Variants in DPP10 observed in about 807,000 individuals in gnomAD.
The protein encoded by DPP10 is inactive dipeptidyl peptidase 10.
In DPP10, 33 loss-of-function variants were observed where a neutral mutation model predicts 120.9. That is an observed-to-expected ratio of 0.27 (90% CI 0.21 to 0.37). The LOEUF (loss-of-function observed/expected upper bound fraction) is 0.37, where lower values mean the gene tolerates loss of function less well. Ranked by LOEUF, DPP10 falls within the 10% of genes least tolerant of loss-of-function variation. DPP10 has a pLI of 1.00. For synonymous variants in DPP10, 337 were observed against 326.1 expected (o/e 1.03, Z -0.36); for missense variants, 816 against 942.8 (o/e 0.87, Z 1.76).
intron 1 of DPP10, among the ~76,000 whole-genome samples, chr2:115,303,525 C>G (rs949697861): frequency 1.3e-5 from 2 of 151,694 alleles, no homozygotes; most frequent in Admixed American, 1.3e-4. Context: ...TTACATAATC[C>G]CAGCATATCC....
intron 5 of DPP10, among the ~76,000 whole-genome samples, chr2:115,551,025 T>C (rs2079839194): frequency 6.6e-6 from 1 of 152,146 alleles, no homozygotes; most frequent in Admixed American, 6.6e-5. Context: ...TTTTTTTCTC[T>C]TGAAAAATTG....
intron 1 of DPP10, among the ~76,000 whole-genome samples, chr2:114,748,249 T>C (rs1051406223): frequency 6.6e-6 from 1 of 151,502 alleles, no homozygotes; most frequent in African/African-American, 2.4e-5. Flanking sequence ...GAGCAGAAAC[T>C]GCTTGCAGGC....
intron 5 of DPP10, among the ~76,000 whole-genome samples, chr2:115,542,999 TG>T (rs1257844176): frequency 6.6e-6 from 1 of 152,020 alleles, no homozygotes; most frequent in East Asian, 1.9e-4. Context: ...GTGTCAGTGT[TG>T]TCAAACCTTT....
chr2:115,079,437 A>G (rs1297408015), intron 1 of DPP10, among the ~76,000 whole-genome samples: 2 of 152,184 alleles, frequency 1.3e-5, no homozygotes, highest in Non-Finnish European at 2.9e-5. Flanking sequence ...CAGACAAACT[A>G]GGACACAGTG....
chr2:115,408,285 C>T (rs971726241), intron 3 of DPP10, among the ~76,000 whole-genome samples: 5 of 152,110 alleles, frequency 3.3e-5, no homozygotes, highest in African/African-American at 4.8e-5. Flanking sequence ...TACAGACTTC[C>T]TGAGGCTCCA....
intron 1 of DPP10, among the ~76,000 whole-genome samples, chr2:114,647,952 C>T (rs1696265759): frequency 6.6e-6 from 1 of 152,018 alleles, no homozygotes; most frequent in Non-Finnish European, 1.5e-5. Flanking sequence ...TTCTGCATGT[C>T]CTTGGACTAT....
At chr2:114,447,855 T>G (rs1367177) in intron 1 of DPP10, among the ~76,000 whole-genome samples, 103,724 of 152,090 alleles carry the variant, frequency 0.68, 35,775 homozygotes, top group Middle Eastern at 0.8. Context: ...TAAGGATATT[T>G]TATGTGTGTG....
intron 1 of DPP10, among the ~76,000 whole-genome samples, chr2:114,751,942 C>T (rs936874827): frequency 2.0e-5 from 3 of 152,236 alleles, no homozygotes; most frequent in African/African-American, 7.2e-5. Flanking sequence ...GTAGATCTGG[C>T]ATGGGGCCTA....
At chr2:114,620,812 G>A (rs556815862) in intron 1 of DPP10, among the ~76,000 whole-genome samples, 67 of 152,024 alleles carry the variant, frequency 4.4e-4, no homozygotes, top group South Asian at 2.9e-3. Flanking sequence ...CAAAAATGCC[G>A]CATCTTGGTA....
intron 1 of DPP10, among the ~76,000 whole-genome samples, chr2:115,228,757 A>G (rs1361597724): frequency 6.6e-6 from 1 of 152,022 alleles, no homozygotes; most frequent in Non-Finnish European, 1.5e-5. Context: ...AAGTACAACA[A>G]TTTCTTCATC....
chr2:114,895,931 C>T (rs897992613), intron 1 of DPP10, among the ~76,000 whole-genome samples: 6 of 152,144 alleles, frequency 3.9e-5, no homozygotes, highest in Non-Finnish European at 5.9e-5. Flanking sequence ...GGAAGGGATC[C>T]AGTTTCAGCT....
chr2:115,795,152 A>G (rs1470592985), intron 19 of DPP10, among the ~76,000 whole-genome samples: 1 of 152,186 alleles, frequency 6.6e-6, no homozygotes, highest in Non-Finnish European at 1.5e-5. Context: ...AGATGCTGAT[A>G]AAAGCAATCC....
chr2:114,502,314 T>C (rs1683265803), intron 1 of DPP10, among the ~76,000 whole-genome samples: 1 of 152,194 alleles, frequency 6.6e-6, no homozygotes. Flanking sequence ...GTTTTTATTC[T>C]GTACTCAACA....
At chr2:115,130,575 A>C (rs1314003453) in intron 1 of DPP10, among the ~76,000 whole-genome samples, 1 of 151,228 alleles carries the variant, frequency 6.6e-6, no homozygotes, top group Non-Finnish European at 1.5e-5. Context: ...TAATCTCTCT[A>C]TACATTTTTT....
intron 1 of DPP10, among the ~76,000 whole-genome samples, chr2:114,979,580 A>G (rs1699960882): frequency 6.6e-6 from 1 of 152,036 alleles, no homozygotes; most frequent in African/African-American, 2.4e-5. Flanking sequence ...ATAATGTGTA[A>G]ATATGTTGGA....
chr2:115,572,695 G>C (rs932380577), intron 5 of DPP10, among the ~76,000 whole-genome samples: 8 of 152,240 alleles, frequency 5.3e-5, no homozygotes, highest in South Asian at 2.1e-4. Flanking sequence ...AGTTTGGGGA[G>C]GATATTTCTC....
chr2:115,258,972 C>T (rs182943960), intron 1 of DPP10, among the ~76,000 whole-genome samples: 1 of 152,318 alleles, frequency 6.6e-6, no homozygotes, highest in East Asian at 1.9e-4. Context: ...TAACAGAACA[C>T]CAAAAATTGC....
intron 1 of DPP10, among the ~76,000 whole-genome samples, chr2:114,835,002 A>G (rs1397059645): frequency 5.3e-5 from 8 of 150,286 alleles, no homozygotes; most frequent in Non-Finnish European, 1.0e-4. Flanking sequence ...CTACACACCT[A>G]TGTATATAAA....
At chr2:115,204,901 A>G (rs988812808) in intron 1 of DPP10, among the ~76,000 whole-genome samples, 2 of 152,100 alleles carry the variant, frequency 1.3e-5, no homozygotes, top group African/African-American at 4.8e-5. Flanking sequence ...TTCTGTTGAG[A>G]AATGTCTGTT....
Sources: gnomAD v4.1 joint callset for allele counts (sites outside exome capture counted in the v4.1 genomes callset) on GRCh38, gnomAD v4.1.1 for gene constraint, MANE v1.5 for transcripts, NCBI Gene and HGNC (gene_info 2026-07-23, HGNC 2026-07-21) for gene names.